Variants in XKR4 observed in about 807,000 individuals in gnomAD.
XKR4 encodes XK-related protein 4.
XKR4 carries 12 observed loss-of-function variants against 53.9 expected under a neutral mutation model. The observed-to-expected ratio is 0.22, with a 90% CI of 0.14 to 0.36. XKR4 has a LOEUF of 0.36. XKR4 is among the 10% of genes least tolerant of loss of function. The pLI is 1.00. For synonymous variants in XKR4, 354 were observed against 362.4 expected, an observed-to-expected ratio of 0.98 and a Z score of 0.26; for missense variants, 799 against 859.5, an observed-to-expected ratio of 0.93 and a Z score of 0.88.
chr8:55,465,549 G>T (rs1260646177), intron 2 of XKR4, among the ~76,000 whole-genome samples: 2 of 151,686 alleles, frequency 1.3e-5, no homozygotes, highest in African/African-American at 2.4e-5. Flanking sequence ...GAAAACCTAG[G>T]CAATACCATT....
chr8:55,254,686 C>T lies in XKR4; in HGVS notation c.807-102992C>T, dbSNP rs925830694. Among the ~76,000 whole-genome samples the T allele has an allele frequency of 1.6e-4, 24 of 152,134 alleles. 1 individual carries two copies. The highest frequency in any genetic ancestry group is 4.1e-4 in the African/African-American group (17 of 41,422). ...CTGGGGAACGATATGCCAAACTGTT[C>T]GGGGAACCCTAGAACCGCATGCTCT... On this transcript the variant is annotated intron_variant, in intron 1 of 2. Transcript: ENST00000327381.
chr8:55,342,905 T>C lies in XKR4; in HGVS notation c.807-14773T>C, dbSNP rs866747144. Among the ~76,000 whole-genome samples, 4 of 152,360 alleles carry C rather than the reference T, an allele frequency of 2.6e-5. No homozygotes were observed. In the Middle Eastern group the frequency reaches 0.01, roughly 389 times the overall value. On this transcript the variant is annotated intron_variant, in intron 1 of 2. Transcript: ENST00000327381. ...TGTAAGTCCCTATTTCATTTGCTGC[T>C]GTATTCCCTCGAGAGGAGTGTTGAT... is the stretch of plus-strand genomic sequence containing the variant.
At chr8:55,325,124 C>A (rs1803274188) in intron 1 of XKR4, among the ~76,000 whole-genome samples, 1 of 151,784 alleles carries the variant, frequency 6.6e-6, no homozygotes, top group African/African-American at 2.4e-5. Flanking sequence ...AAATGCATAT[C>A]AAAGAGATTT....
chr8:55,142,834 C>T (rs1196048039), intron 1 of XKR4, among the ~76,000 whole-genome samples: 6 of 152,190 alleles, frequency 3.9e-5, no homozygotes, highest in South Asian at 2.1e-4. Flanking sequence ...CAGTGAAATG[C>T]AGCTCCAGGA....
intron 1 of XKR4, among the ~76,000 whole-genome samples, chr8:55,142,770 G>A (rs912075652): frequency 9.9e-5 from 15 of 152,188 alleles, no homozygotes; most frequent in African/African-American, 3.6e-4. Context: ...TTGCTGTTTA[G>A]TAAGCTTTTA....
chr8:55,339,115 T>G (rs1271201780), intron 1 of XKR4, among the ~76,000 whole-genome samples: 3 of 152,188 alleles, frequency 2.0e-5, no homozygotes, highest in Non-Finnish European at 4.4e-5. Context: ...GAAGGCAATT[T>G]AGGCATGAGT....
intron 1 of XKR4, among the ~76,000 whole-genome samples, chr8:55,156,386 TGCGCGCA>T (rs1816906739): frequency 7.6e-6 from 1 of 131,494 alleles, no homozygotes; most frequent in Non-Finnish European, 1.6e-5. Context: ...GGTAAGACGC[TGCGCGCA>T]TAGTCACGGC....
intron 2 of XKR4, among the ~76,000 whole-genome samples, chr8:55,376,779 G>T (rs1804157414): frequency 6.6e-6 from 1 of 152,080 alleles, no homozygotes; most frequent in African/African-American, 2.4e-5. Context: ...ATATTTTAAT[G>T]ATGTTAGAGG....
chr8:55,402,677 T>C (rs1459767872), intron 2 of XKR4, among the ~76,000 whole-genome samples: 1 of 152,190 alleles, frequency 6.6e-6, no homozygotes, highest in African/African-American at 2.4e-5. Context: ...GTGCATGTCG[T>C]GGGGCAAAAC....
At chr8:55,369,480 CAG>C (rs1279986440) in intron 2 of XKR4, among the ~76,000 whole-genome samples, 16 of 105,774 alleles carry the variant, frequency 1.5e-4, no homozygotes, top group Admixed American at 4.0e-4. Context: ...GAGGGGAGGA[CAG>C]AGAGAGAGAA....
chr8:55,214,084 ATTCCTGCCC>A (rs918938153), intron 1 of XKR4, among the ~76,000 whole-genome samples: 1 of 151,968 alleles, frequency 6.6e-6, no homozygotes, highest in Non-Finnish European at 1.5e-5. Flanking sequence ...CTGGTCTCGA[ATTCCTGCCC>A]TCTAGTGATT....
chr8:55,474,205 T>C (rs1261935250), intron 2 of XKR4, among the ~76,000 whole-genome samples: 18 of 152,128 alleles, frequency 1.2e-4, no homozygotes, highest in Admixed American at 1.2e-3. Context: ...CCACCATTCC[T>C]AGCCTAAAAC....
chr8:55,461,320 A>G (rs920959085), intron 2 of XKR4, among the ~76,000 whole-genome samples: 2 of 152,226 alleles, frequency 1.3e-5, no homozygotes, highest in Non-Finnish European at 2.9e-5. Flanking sequence ...ATTCACCAAT[A>G]TCTACTGTTC....
At chr8:55,222,081 G>A (rs546558629) in intron 1 of XKR4, among the ~76,000 whole-genome samples, 3 of 152,232 alleles carry the variant, frequency 2.0e-5, no homozygotes, top group African/African-American at 7.2e-5. Context: ...CTGAGATGTG[G>A]GTGCATCCTC....
At chr8:55,255,411 A>G (rs893011176) in intron 1 of XKR4, among the ~76,000 whole-genome samples, 3 of 152,166 alleles carry the variant, frequency 2.0e-5, no homozygotes, top group Admixed American at 6.5e-5. Context: ...TTTCCCACAC[A>G]ATTTCCAGCA....
intron 1 of XKR4, among the ~76,000 whole-genome samples, chr8:55,287,237 G>A (rs1818920294): frequency 6.6e-6 from 1 of 151,418 alleles, no homozygotes; most frequent in Admixed American, 6.6e-5. Context: ...ATAAAGATTA[G>A]AAGTGCCAAA....
chr8:55,135,409 A>G (rs1816611638), intron 1 of XKR4: 2 of 322,258 alleles, frequency 6.2e-6, no homozygotes. Context: ...TATGCAATAT[A>G]TATTTGTTGG....
At chr8:55,292,359 C>T (rs1312383037) in intron 1 of XKR4, among the ~76,000 whole-genome samples, 2 of 151,982 alleles carry the variant, frequency 1.3e-5, no homozygotes, top group African/African-American at 2.4e-5. Flanking sequence ...TTCAAGTTAT[C>T]TATTTCATAT....
intron 1 of XKR4, chr8:55,142,198 C>T: frequency 2.2e-6 from 1 of 456,076 alleles, no homozygotes; most frequent in South Asian, 1.5e-5. Flanking sequence ...TCCTGCTGAT[C>T]TGCTGGTCAA....
Sources: allele counts gnomAD v4.1 joint callset (sites outside exome capture counted in the v4.1 genomes callset), GRCh38; gene constraint gnomAD v4.1.1; transcripts MANE v1.5; gene names NCBI Gene and HGNC (gene_info 2026-07-23, HGNC 2026-07-21).